Variants in AZI2 observed in about 807,000 individuals in gnomAD.
AZI2 encodes 5-azacytidine induced 2.
AZI2 carries 22 observed loss-of-function variants against 45.8 expected under a neutral mutation model. The observed-to-expected ratio is 0.48, with a 90% confidence interval of 0.34 to 0.69. The LOEUF (loss-of-function observed/expected upper bound fraction) is 0.69. Ranked by LOEUF, AZI2 falls within the 30% of genes least tolerant of loss-of-function variation. The pLI, the probability that AZI2 is intolerant of heterozygous loss-of-function variation, is 0.01. For synonymous variants in AZI2, 137 were observed against 156.7 expected (o/e 0.87, Z 0.94); for missense variants, 417 against 441.5 (o/e 0.94, Z 0.50).
intron 2 of AZI2, 90 bp downstream of exon 2, chr3:28,340,312 G>A: frequency 1.1e-6 from 1 of 882,356 alleles, no homozygotes; most frequent in Non-Finnish European, 1.7e-6. Flanking sequence ...GTACAATCAT[G>A]GAAGACAGGA....
rs559535694 is a variant in AZI2 at position 28,331,451 on chromosome 3, TAAC to T, written c.647+915_647+917del. ...GTACTGTTCAAATGGCAGAGTTAAA[TAAC>T]AACAGAGACTGTACTGCCAGCTCAC... On this transcript the variant is annotated intron_variant, in intron 6 of 7. Transcript: ENST00000479665. Among the ~76,000 whole-genome samples the T allele has an allele frequency of 4.6e-3, 702 of 151,592 alleles. 1 individual carries two copies. The highest frequency in any genetic ancestry group is 7.5e-3 in the Non-Finnish European group (505 of 67,620).
Position 28,340,613 on chromosome 3 carries a change from T to A in AZI2, c.5A>T (p.Asp2Val). Residue 2 changes from aspartate to valine, a missense_variant, in exon 2 of 8, where the codon GAT becomes GTT. Transcript: ENST00000479665. M[D>V]ALVEDDICIL... ...ACAGATATCATCTTCTACCAGTGCA[T>A]CCATGACAACTGTTTAAAAGAAAAA... 2.5e-6 allele frequency: 4 copies of A among 1,603,472 alleles called. No individual in the cohort carries two copies. The highest frequency in any genetic ancestry group is 3.4e-6 in the Non-Finnish European group (4 of 1,175,790).
rs1253044955 is a variant in AZI2, at chr3:28,336,891, A to G, written c.440-6T>C. 20 of 1,611,866 alleles carry G rather than the reference A, an allele frequency of 1.2e-5. No individual in the cohort carries two copies. The highest frequency in any genetic ancestry group is 1.6e-5 in the Non-Finnish European group (19 of 1,178,952). On this transcript the variant is annotated splice_region_variant and splice_polypyrimidine_tract_variant and intron_variant, in intron 4 of 7. Coordinates refer to ENST00000479665, the MANE Select transcript of AZI2 (RefSeq NM_022461.5). ...TGGATTTAAATTCCTCATCACTACA[A>G]AAAGGATGGACACTGAAATTGTTAT... is the stretch of plus-strand genomic sequence containing the variant.
At chr3:28,337,548 A>T (rs1703842097) in intron 4 of AZI2, among the ~76,000 whole-genome samples, 1 of 152,154 alleles carries the variant, frequency 6.6e-6, no homozygotes. Context: ...TTTGGAAAGA[A>T]AAAGAAATTG....
chr3:28,332,977 A>C (rs1703647507), intron 5 of AZI2, among the ~76,000 whole-genome samples: 1 of 151,740 alleles, frequency 6.6e-6, no homozygotes, highest in Non-Finnish European at 1.5e-5. Flanking sequence ...AATTCAGTTG[A>C]TTTAGGTTGC....
intron 4 of AZI2, 133 bp downstream of exon 4, chr3:28,337,804 A>T: frequency 2.0e-6 from 1 of 487,846 alleles, no homozygotes; most frequent in Non-Finnish European, 3.4e-6. Context: ...AGAACAGAGA[A>T]ATTAACATAA....
chr3:28,341,681 A>G (rs1211921392), intron 1 of AZI2: 2 of 152,218 alleles, frequency 1.3e-5, no homozygotes, highest in African/African-American at 2.4e-5. Context: ...ACTTTAGACC[A>G]TGCAAGAGAA....
chr3:28,324,720 C>T (rs1398007358), intron 7 of AZI2: 1 of 313,052 alleles, frequency 3.2e-6, no homozygotes, highest in Non-Finnish European at 5.8e-6. Context: ...ATATAGAATT[C>T]CTGTCCCAAC....
intron 4 of AZI2, among the ~76,000 whole-genome samples, chr3:28,337,525 C>A (rs1703841256): frequency 6.6e-6 from 1 of 152,108 alleles, no homozygotes; most frequent in Non-Finnish European, 1.5e-5. Context: ...TTCATCTGCA[C>A]CTTTTAACAA....
chr3:28,338,453 T>C (rs1476842848), intron 3 of AZI2, 40 bp downstream of exon 3: 27 of 1,484,312 alleles, frequency 1.8e-5, no homozygotes, highest in Non-Finnish European at 2.4e-5. Context: ...AGAAAATTCA[T>C]TTCCAAAATG....
chr3:28,324,244 A>G lies in AZI2; in HGVS notation c.977T>C (p.Ile326Thr). 6.2e-7 allele frequency: 1 copy of G among 1,610,386 alleles called. No homozygotes were observed. Among genetic ancestry groups the G allele is most frequent in the Admixed American group, 1.7e-5 (1 of 59,728 alleles). The stretch of plus-strand genomic sequence containing the variant: ...CTGAAAGCATGTACCATCATTAGGA[A>G]TGGATCTCTCATTGTCTGTCCATGA... ...LQSWTDNERS[I>T]PNDGTCFQEH... The change falls in exon 8 of 8, where the codon ATT (isoleucine) becomes ACT (threonine). Residue 326 changes from isoleucine to threonine, a missense_variant. By Grantham distance (89) the Ile-to-Thr change is moderately conservative. Transcript: ENST00000479665.
At chr3:28,335,722 A>T (rs534805377) in intron 5 of AZI2, among the ~76,000 whole-genome samples, 34 of 152,106 alleles carry the variant, frequency 2.2e-4, no homozygotes, top group African/African-American at 8.2e-4. Flanking sequence ...TCCATCTAAG[A>T]ACACTTGAGA....
At chr3:28,339,485 GTTACAAAT>G (rs1703926979) in intron 2 of AZI2, among the ~76,000 whole-genome samples, 1 of 150,392 alleles carries the variant, frequency 6.6e-6, no homozygotes, top group Non-Finnish European at 1.5e-5. Flanking sequence ...ATGCCAATAT[GTTACAAAT>G]TTACATAATC....
chr3:28,347,050 T>G (rs777559334), intron 1 of AZI2, among the ~76,000 whole-genome samples: 11 of 152,328 alleles, frequency 7.2e-5, no homozygotes, highest in Middle Eastern at 3.4e-3. Flanking sequence ...CTACTTCTTT[T>G]CATCCCTTTC....
At chr3:28,334,688 T>C (rs1703718305) in intron 5 of AZI2, among the ~76,000 whole-genome samples, 1 of 151,978 alleles carries the variant, frequency 6.6e-6, no homozygotes, top group Non-Finnish European at 1.5e-5. Context: ...TTTGGTTACT[T>C]ATGACAGATG....
At chr3:28,347,338 C>T (rs1219710101) in intron 1 of AZI2, among the ~76,000 whole-genome samples, 1 of 152,182 alleles carries the variant, frequency 6.6e-6, no homozygotes, top group Non-Finnish European at 1.5e-5. Flanking sequence ...GAGAAACTAT[C>T]TCATTTGTTC....
At chr3:28,330,498 G>A (rs17695884) in intron 6 of AZI2, among the ~76,000 whole-genome samples, 33,238 of 151,100 alleles carry the variant, frequency 0.22, 4,229 homozygotes, top group Middle Eastern at 0.29. Context: ...TCTTAAAAGT[G>A]GATGAAGTAA....
Position 28,332,440 on chromosome 3 carries a change from TA to T in AZI2, c.589-14del, listed in dbSNP as rs1449178643. 5 of 1,601,246 alleles carry T rather than the reference TA, an allele frequency of 3.1e-6. No homozygotes were observed. Among genetic ancestry groups the T allele is most frequent in the African/African-American group, 1.3e-5 (1 of 74,412 alleles). The stretch of plus-strand genomic sequence containing the variant: ...CCTGATATGGATCCTGTCATTTGTT[TA>T]AAAAAAAGAAGTTTAAAAGTTGTAA... On this transcript the variant is annotated splice_polypyrimidine_tract_variant and intron_variant, in intron 5 of 7. Coordinates refer to ENST00000479665, the MANE Select transcript of AZI2 (RefSeq NM_022461.5).
chr3:28,336,770 A>G lies in AZI2; in HGVS notation c.555T>C (p.Asp185=), dbSNP rs779511461. ...ELELMRKECS[D]LKIELQKAKQ... ...TGGCTTTCTGTAGTTCTATTTTGAG[A>G]TCGCTACATTCTTTCCTCATCAGTT... The change falls in exon 5 of 8, where the codon GAT becomes GAC. Residue 185 remains aspartate (D), a synonymous_variant. Coordinates refer to ENST00000479665, the MANE Select transcript of AZI2 (RefSeq NM_022461.5). 13 of 1,613,114 alleles carry G rather than the reference A, an allele frequency of 8.1e-6. No individual in the cohort carries two copies. The highest frequency in any genetic ancestry group is 6.7e-5 in the Admixed American group (4 of 59,918).
Sources: allele counts gnomAD v4.1 joint callset (sites outside exome capture counted in the v4.1 genomes callset), GRCh38; gene constraint gnomAD v4.1.1; transcripts MANE v1.5; gene names NCBI Gene and HGNC (gene_info 2026-07-23, HGNC 2026-07-21).